PFKP: variants seen among roughly 807,000 people sequenced by gnomAD.
The protein encoded by PFKP is ATP-dependent 6-phosphofructokinase, platelet type.
A neutral mutation model predicts 94.3 loss-of-function variants in PFKP; 101 were observed. The ratio of observed to expected loss-of-function variants is 1.07; its 90% confidence interval spans 0.91 to 1.26. The LOEUF (loss-of-function observed/expected upper bound fraction) is 1.26, where lower values mean the gene tolerates loss of function less well. Ranked by LOEUF, PFKP falls within the 50% of genes most tolerant of loss-of-function variation. PFKP has a pLI of 0.00. For missense variants in PFKP, 1,145 were observed against 1,103.3 expected (o/e 1.04, Z -0.53); for synonymous variants, 573 against 432.6 (o/e 1.32, Z -4.03).
At chr10:3,111,881 G>A (rs977628720) in intron 10 of PFKP, among the ~76,000 whole-genome samples, 19 of 152,190 alleles carry the variant, frequency 1.2e-4, no homozygotes, top group African/African-American at 4.6e-4. Flanking sequence ...AACCATGCCT[G>A]AGAGATTTCA....
intron 2 of PFKP, among the ~76,000 whole-genome samples, chr10:3,086,614 ATGT>A (rs1439298129): frequency 2.0e-5 from 3 of 152,258 alleles, no homozygotes; most frequent in African/African-American, 7.2e-5. Flanking sequence ...CCAGACCCAA[ATGT>A]TGGTAGAAAC....
chr10:3,100,862 C>CAA (rs71294492), intron 3 of PFKP: 13,207 of 652,162 alleles, frequency 0.02, 137 homozygotes, highest in East Asian at 0.078. Flanking sequence ...GTATGTGGTG[C>CAA]AAAAAAAAAA....
chr10:3,097,613 G>T (rs1267618329), intron 2 of PFKP, among the ~76,000 whole-genome samples: 1 of 152,206 alleles, frequency 6.6e-6, no homozygotes, highest in African/African-American at 2.4e-5. Context: ...TGCAGACGGG[G>T]CTGCCAGCGC....
Position 3,134,463 on chromosome 10 carries a change from A to T in PFKP, c.2023-20A>T, listed in dbSNP as rs1310492616. On this transcript the variant is annotated intron_variant, in intron 19 of 21. Transcript: ENST00000381125. ...TGTTACTGTATAACTGGTATTTCAT[A>T]TAACTCTAACCACCAACAGGGTGGG... The T allele has an allele frequency of 7.0e-6, 10 of 1,424,342 alleles. No individual in the cohort carries two copies. The highest frequency in any genetic ancestry group is 1.1e-5 in the South Asian group (1 of 87,274). The allele number at this position is 1,424,342 out of a possible 1,614,324, so 88.2% of individuals were successfully genotyped here. A position where few individuals can be genotyped will look rare whatever the true frequency, so the allele number is the denominator to read the frequency against.
Position 3,087,987 on chromosome 10 carries a change from T to TTTTC in PFKP, c.186+5529_186+5530insCTTT, listed in dbSNP as rs1303265873. Among the ~76,000 whole-genome samples the TTTTC allele has an allele frequency of 4.6e-3, 543 of 117,108 alleles. 6 individuals carry two copies. Among genetic ancestry groups the TTTTC allele is most frequent in the African/African-American group, 0.015 (500 of 34,032 alleles). The allele number at this position is 117,108 out of a possible 152,430, so 76.8% of individuals were successfully genotyped here. On this transcript the variant is annotated intron_variant, in intron 2 of 21. Coordinates refer to ENST00000381125, the MANE Select transcript of PFKP (RefSeq NM_002627.5). ...TAAAAATCCTGTATCTTTCATTCTT[T>TTTTC]TTTTTTTTTTTTTTTTTTTACATTA...
chr10:3,102,250 CAA>C (rs757381364), intron 4 of PFKP, among the ~76,000 whole-genome samples: 6,768 of 54,384 alleles, frequency 0.12, 121 homozygotes, highest in Middle Eastern at 0.21. Context: ...GACTCTGTCT[CAA>C]AAAAAAAAAA....
At chr10:3,110,570 C>T (rs181059903) in intron 10 of PFKP, among the ~76,000 whole-genome samples, 219 of 152,174 alleles carry the variant, frequency 1.4e-3, no homozygotes, top group African/African-American at 4.6e-3. Flanking sequence ...TTTGTTGCCT[C>T]TTAACACACA....
At chr10:3,093,603 T>C (rs1834226991) in intron 2 of PFKP, among the ~76,000 whole-genome samples, 1 of 149,868 alleles carries the variant, frequency 6.7e-6, no homozygotes, top group South Asian at 2.1e-4. Flanking sequence ...AATTGACACA[T>C]CCAGGGTGAC....
At chr10:3,127,371 G>C (rs1019127426) in intron 16 of PFKP, among the ~76,000 whole-genome samples, 1 of 152,248 alleles carries the variant, frequency 6.6e-6, no homozygotes, top group Non-Finnish European at 1.5e-5. Context: ...CCTCTTGGGA[G>C]AGCTGCTTTG....
chr10:3,088,057 A>C (rs1379214114), intron 2 of PFKP, among the ~76,000 whole-genome samples: 1 of 125,666 alleles, frequency 8.0e-6, no homozygotes, highest in African/African-American at 3.2e-5. Flanking sequence ...CAGGTTTGTT[A>C]CCTATGTATA....
chr10:3,126,977 C>T (rs953547481), intron 16 of PFKP, among the ~76,000 whole-genome samples: 3 of 152,274 alleles, frequency 2.0e-5, no homozygotes, highest in Non-Finnish European at 4.4e-5. Context: ...CCCTGGGACA[C>T]AGCCCTCTGC....
intron 1 of PFKP, among the ~76,000 whole-genome samples, chr10:3,081,986 T>C (rs1166993362): frequency 2.7e-4 from 4 of 14,802 alleles, no homozygotes; most frequent in Non-Finnish European, 8.7e-4. Flanking sequence ...CCTTTTTTTT[T>C]TTTTTTTTTT....
intron 2 of PFKP, among the ~76,000 whole-genome samples, chr10:3,092,702 T>C (rs2131488028): frequency 6.6e-6 from 1 of 152,340 alleles, no homozygotes; most frequent in East Asian, 1.9e-4. Flanking sequence ...GAAAAAAACC[T>C]TTCCCTTCCT....
intron 1 of PFKP, among the ~76,000 whole-genome samples, chr10:3,079,587 A>G (rs1191681233): frequency 1.4e-5 from 2 of 145,506 alleles, no homozygotes; most frequent in South Asian, 2.1e-4. Flanking sequence ...TCCACTTAAC[A>G]TTTCCTAAAA....
intron 9 of PFKP, 53 bp downstream of exon 9, chr10:3,108,846 C>A: frequency 1.5e-6 from 2 of 1,305,318 alleles, no homozygotes; most frequent in South Asian, 1.2e-5. Flanking sequence ...GGAAGCGTTT[C>A]TGGAGAGGCA....
intron 19 of PFKP, among the ~76,000 whole-genome samples, chr10:3,133,941 T>C (rs1838901142): frequency 6.6e-6 from 1 of 152,212 alleles, no homozygotes; most frequent in Non-Finnish European, 1.5e-5. Context: ...ATCAGACATG[T>C]AGTATACTTG....
intron 2 of PFKP, among the ~76,000 whole-genome samples, chr10:3,089,314 C>T (rs919562904): frequency 1.3e-5 from 2 of 152,160 alleles, no homozygotes; most frequent in African/African-American, 4.8e-5. Flanking sequence ...TATGGGTGAA[C>T]GGTGTTGTGT....
chr10:3,101,974 G>T (rs909718642), intron 4 of PFKP, among the ~76,000 whole-genome samples: 6 of 150,786 alleles, frequency 4.0e-5, no homozygotes, highest in African/African-American at 1.2e-4. Flanking sequence ...AAGTTGGGCC[G>T]GGCGCGGTGG....
rs116187356 is a variant in PFKP, at chr10:3,123,172, C to T, written c.1683+3128C>T. On this transcript the variant is annotated intron_variant, in intron 16 of 21. Transcript: ENST00000381125. ...GCCGGTGTGACACGTTCTCAGGATA[C>T]GGCTGCAGGGAGTTTCAGTCCGACC... Among the ~76,000 whole-genome samples, 1,290 of 152,248 alleles carry T rather than the reference C, an allele frequency of 8.5e-3. 15 individuals carry two copies. Among genetic ancestry groups the T allele is most frequent in the African/African-American group, 0.025 (1,025 of 41,526 alleles).
Sources: gnomAD v4.1 joint callset for allele counts (sites outside exome capture counted in the v4.1 genomes callset) on GRCh38, gnomAD v4.1.1 for gene constraint, MANE v1.5 for transcripts, NCBI Gene and HGNC (gene_info 2026-07-23, HGNC 2026-07-21) for gene names.